Variants in NUP214 observed in about 807,000 individuals in gnomAD.
NUP214 encodes the protein nuclear pore complex protein Nup214.
Under a neutral mutation model 196.2 loss-of-function variants are expected in NUP214, and 79 were observed. That is an observed-to-expected ratio of 0.40 (90% confidence interval 0.34 to 0.49). The LOEUF (loss-of-function observed/expected upper bound fraction) is 0.49, where lower values mean the gene tolerates loss of function less well. Among genes scored for constraint, NUP214 ranks in the 20% least tolerant of loss-of-function variants. The pLI is 0.58. For synonymous variants in NUP214, 1,020 were observed against 990.5 expected (o/e 1.03, Z -0.56); for missense variants, 2,468 against 2,539.0 (o/e 0.97, Z 0.60).
chr9:131,222,203 C>T lies in NUP214; in HGVS notation c.5750-575C>T, dbSNP rs1421341101. Among the ~76,000 whole-genome samples the T allele has an allele frequency of 9.9e-5, 15 of 152,192 alleles. 1 individual carries two copies. The highest frequency in any genetic ancestry group is 8.5e-4 in the Admixed American group (13 of 15,284). ...CCCCTTGGATCAAAGACAGGAGCAC[C>T]ATGATTTTTCTCATTTCACTGCCAT... On this transcript the variant is annotated intron_variant, in intron 31 of 35. Transcript: ENST00000359428.
At chr9:131,215,438 A>C in intron 31 of NUP214, 70 bp downstream of exon 31, 1 of 1,338,516 alleles carries the variant, frequency 7.5e-7, no homozygotes, top group Non-Finnish European at 9.8e-7. Flanking sequence ...GTGTTATCAA[A>C]GCTTCAGTGA....
At position 131,151,094 on chromosome 9, in the gene NUP214, T is replaced by A. The variant is rs548147674; in HGVS notation, c.2277+329T>A. Reference sequence around the variant, plus strand: ...AATTTAATTTAGGTTTATTTGAAATTTTACTATCTCAAATAGTGTTCGATT... The same window carrying A: ...AATTTAATTTAGGTTTATTTGAAATATTACTATCTCAAATAGTGTTCGATT... On this transcript the variant is annotated intron_variant, in intron 16 of 35. Coordinates refer to ENST00000359428, the MANE Select transcript of NUP214 (RefSeq NM_005085.4). 4.6e-5 allele frequency among the ~76,000 whole-genome samples: 7 copies of A among 152,354 alleles called. No individual in the cohort carries two copies. The South Asian group carries it at 1.2e-3, about 27-fold the overall frequency.
intron 17 of NUP214, among the ~76,000 whole-genome samples, chr9:131,154,243 A>G (rs112821014): frequency 2.0e-4 from 30 of 152,206 alleles, no homozygotes; most frequent in Non-Finnish European, 2.8e-4. Flanking sequence ...AAAAATTTCA[A>G]TAGTTTTTGG....
Position 131,175,709 on chromosome 9 carries a change from G to T in NUP214, c.3319+88G>T, listed in dbSNP as rs1436244655. 2.0e-6 allele frequency: 3 copies of T among 1,483,212 alleles called. No individual in the cohort carries two copies. In the African/African-American group the frequency reaches 4.2e-5, roughly 21 times the overall value. The allele number at this position is 1,483,212 out of a possible 1,614,324, so 91.9% of individuals were successfully genotyped here. ...GGACAGCAGGTGGCAAGAAACAGTG[G>T]GCGCTCTTTGGTGCCCTTCAGAAGA... is the stretch of plus-strand genomic sequence containing the variant. On this transcript the variant is annotated intron_variant, in intron 23 of 35. Coordinates refer to ENST00000359428, the MANE Select transcript of NUP214 (RefSeq NM_005085.4).
intron 18 of NUP214, 50 bp downstream of exon 18, chr9:131,159,536 C>A (rs762913640): frequency 6.3e-6 from 9 of 1,422,560 alleles, no homozygotes; most frequent in Non-Finnish European, 8.9e-6. Context: ...ATTGCTATTG[C>A]CATTTTAAAA....
rs150897591 is a variant in NUP214 at position 131,198,087 on chromosome 9, G to A, written c.4593G>A (p.Pro1531=). The change falls in exon 29 of 36, where the codon CCG becomes CCA. Residue 1531 remains proline (P), a synonymous_variant. Transcript: ENST00000359428. ...QQSAQLPQAP[P]QTSDSVKKEP... ...CAGCCCAGCTTCCCCAGGCTCCTCC[G>A]CAAACTTCTGACTCTGTTAAAAAAG... 5.0e-6 allele frequency: 8 copies of A among 1,613,986 alleles called. No individual in the cohort carries two copies. Among genetic ancestry groups the A allele is most frequent in the Middle Eastern group, 1.6e-4 (1 of 6,084 alleles).
At chr9:131,163,844 C>T (rs1484289460) in intron 19 of NUP214, 26 bp from the exon 20 acceptor site, 1 of 1,591,956 alleles carries the variant, frequency 6.3e-7, no homozygotes, top group Non-Finnish European at 8.6e-7. Context: ...CCTAGTTGGT[C>T]TGTATCTAAC....
At chr9:131,170,789 GTTA>G (rs1253819409) in intron 21 of NUP214, among the ~76,000 whole-genome samples, 4 of 112,512 alleles carry the variant, frequency 3.6e-5, no homozygotes, top group African/African-American at 1.3e-4. Context: ...CAGTCCTTTT[GTTA>G]TTATTATTAT....
chr9:131,129,517 G>A, intron 4 of NUP214, 40 bp downstream of exon 4: 1 of 1,570,522 alleles, frequency 6.4e-7, no homozygotes, highest in African/African-American at 1.4e-5. Context: ...ATACAATCAT[G>A]GTCATCTACT....
intron 24 of NUP214, among the ~76,000 whole-genome samples, chr9:131,184,339 T>C (rs1833389072): frequency 7.0e-6 from 1 of 143,354 alleles, no homozygotes; most frequent in Non-Finnish European, 1.5e-5. Context: ...CTCTCTCTTT[T>C]TTTTTTTTTT....
In NUP214 at chr9:131,146,425, A is replaced by G. The variant is rs573321705; in HGVS notation, c.1945+121A>G. On this transcript the variant is annotated intron_variant, in intron 13 of 35. Coordinates refer to ENST00000359428, the MANE Select transcript of NUP214 (RefSeq NM_005085.4). This position sits in a 1 kb window ranked among gnomAD's most constrained non-coding sequence, Gnocchi z 4.6. ...GTTATTTTTTCTTGCTTCCTGTATC[A>G]TACATTAATGATTAATGTGCTGTGA... 1 of 970,720 alleles carries G rather than the reference A, an allele frequency of 1.0e-6. No individual in the cohort carries two copies. The highest frequency in any genetic ancestry group is 2.4e-5 in the East Asian group (1 of 41,356). 60.1% of individuals were successfully genotyped at this position (970,720 alleles called of 1,614,324 possible).
intron 31 of NUP214, among the ~76,000 whole-genome samples, chr9:131,220,843 TAAAGAG>T (rs1474713500): frequency 6.6e-6 from 1 of 152,164 alleles, no homozygotes; most frequent in African/African-American, 2.4e-5. Flanking sequence ...AAAGAGTTCT[TAAAGAG>T]AGAAAAAGAT....
chr9:131,190,607 C>T, intron 26 of NUP214: 2 of 555,714 alleles, frequency 3.6e-6, no homozygotes, highest in South Asian at 4.9e-5. Context: ...GAGAATAGTT[C>T]TCTTATTAGT....
intron 30 of NUP214, among the ~76,000 whole-genome samples, chr9:131,206,148 C>CTTTTTTTTTTTTTTTTTTTTTTTTTT (rs71265048): frequency 0.016 from 1,231 of 76,298 alleles, 256 homozygotes; most frequent in East Asian, 0.036. Context: ...TTTCTTTTTT[C>CTTTTTTTTTTTTTTTTTTTTTTTTTT]TTTTTTTTTT....
chr9:131,193,455 T>C (rs1047519034), intron 27 of NUP214, among the ~76,000 whole-genome samples: 1 of 151,854 alleles, frequency 6.6e-6, no homozygotes, highest in African/African-American at 2.4e-5. Context: ...TAGAATATTA[T>C]TTGAGGGGGA....
At chr9:131,203,579 C>T (rs1833999114) in intron 30 of NUP214, among the ~76,000 whole-genome samples, 2 of 152,238 alleles carry the variant, frequency 1.3e-5, no homozygotes, top group Admixed American at 6.5e-5. Context: ...CTCTGTTTTC[C>T]TTTGAAGATA....
chr9:131,159,510 A>C, intron 18 of NUP214, 24 bp downstream of exon 18: 4 of 1,518,436 alleles, frequency 2.6e-6, no homozygotes, highest in Non-Finnish European at 3.7e-6. Flanking sequence ...CTCATCTGCA[A>C]TGTGTTGGAA....
chr9:131,132,124 T>C (rs1208727534), intron 5 of NUP214, among the ~76,000 whole-genome samples: 1 of 144,830 alleles, frequency 6.9e-6, no homozygotes, highest in African/African-American at 2.5e-5. Context: ...TCTTTCTTTT[T>C]TTTTTTTTTT....
chr9:131,184,014 TTTTTTC>T (rs1191058123), intron 24 of NUP214, among the ~76,000 whole-genome samples: 65 of 148,996 alleles, frequency 4.4e-4, no homozygotes, highest in African/African-American at 1.4e-3. Flanking sequence ...TTTCTTTTTC[TTTTTTC>T]TTTTTCTTTT....
Sources: gnomAD v4.1 joint callset for allele counts (sites outside exome capture counted in the v4.1 genomes callset) on GRCh38, gnomAD v4.1.1 for gene constraint, Gnocchi (gnomAD v3.1) non-coding constraint, MANE v1.5 for transcripts, NCBI Gene and HGNC (gene_info 2026-07-23, HGNC 2026-07-21) for gene names.